Variants in OXNAD1 observed in about 807,000 individuals in gnomAD.
OXNAD1 encodes oxidoreductase NAD-binding domain-containing protein 1.
OXNAD1 carries 34 observed loss-of-function variants against 32.9 expected under a neutral mutation model. The observed-to-expected ratio is 1.03, with a 90% CI of 0.79 to 1.38. The LOEUF (loss-of-function observed/expected upper bound fraction) is 1.38. Ranked by LOEUF, OXNAD1 falls within the 40% of genes most tolerant of loss-of-function variation. The pLI is 0.00. For missense variants in OXNAD1, 407 were observed against 379.4 expected (o/e 1.07, Z -0.60); for synonymous variants, 134 against 135.2 (o/e 0.99, Z 0.06).
chr3:16,318,400 G>A (rs1207343472), intron 9 of OXNAD1, among the ~76,000 whole-genome samples: 3 of 152,166 alleles, frequency 2.0e-5, no homozygotes, highest in Non-Finnish European at 4.4e-5. Context: ...CTAGAGAGAG[G>A]AGCCCAGGAA....
chr3:16,331,800 T>C (rs890901114), intron 9 of OXNAD1, among the ~76,000 whole-genome samples: 3 of 152,234 alleles, frequency 2.0e-5, no homozygotes, highest in African/African-American at 7.2e-5. Context: ...GAGCACATCC[T>C]GTAGTGACTC....
rs2067347293 is a variant in OXNAD1, at chr3:16,303,700, A to C, written c.*138A>C. ...GGCTATAAACTTAGTGACCAGCTGG[A>C]TAATAAAAGCCAGCTGGCAGACTTA... On this transcript the variant is annotated 3_prime_UTR_variant, in exon 9 of 9. Transcript: ENST00000285083. This position sits in a 1 kb window ranked among gnomAD's most constrained non-coding sequence, Gnocchi z 4.8. 1 of 942,634 alleles carries C rather than the reference A, an allele frequency of 1.1e-6. No homozygotes were observed. Among genetic ancestry groups the C allele is most frequent in the Non-Finnish European group, 1.5e-6 (1 of 675,412 alleles). 58.4% of individuals were successfully genotyped at this position (942,634 alleles called of 1,614,324 possible).
chr3:16,313,281 G>A (rs1258885265), intron 9 of OXNAD1, among the ~76,000 whole-genome samples: 2 of 145,142 alleles, frequency 1.4e-5, no homozygotes, highest in Admixed American at 7.0e-5. Context: ...GAGCTCAAGC[G>A]ATCCTTCTGT....
intron 4 of OXNAD1, among the ~76,000 whole-genome samples, chr3:16,272,524 A>C (rs903357525): frequency 1.3e-5 from 2 of 152,158 alleles, no homozygotes; most frequent in Non-Finnish European, 2.9e-5. Flanking sequence ...AAATTTATCT[A>C]TTAATAGAAG....
intron 9 of OXNAD1, among the ~76,000 whole-genome samples, chr3:16,333,210 A>C (rs542374757): frequency 6.6e-6 from 1 of 152,366 alleles, no homozygotes; most frequent in Admixed American, 6.5e-5. Flanking sequence ...AACAAAAAGC[A>C]CAAAAATGTG....
At chr3:16,285,175 T>C (rs1349365015) in intron 4 of OXNAD1, among the ~76,000 whole-genome samples, 1 of 152,226 alleles carries the variant, frequency 6.6e-6, no homozygotes, top group African/African-American at 2.4e-5. Context: ...GAAGATACTT[T>C]GAGGTGGTGA....
chr3:16,317,138 T>C lies in OXNAD1; in HGVS notation c.*30+13546T>C, dbSNP rs1407885489. 1 of 1,613,696 alleles carries C rather than the reference T, an allele frequency of 6.2e-7. No individual in the cohort carries two copies. ...CTGGTCTTCTAAGTTCTTCTCATTTTCTTCTGCTTGTTGTTTGTCTCTGGC... is the reference window on the plus strand; with the variant it reads ...CTGGTCTTCTAAGTTCTTCTCATTTCCTTCTGCTTGTTGTTTGTCTCTGGC... On this transcript the variant is annotated intron_variant, in intron 9 of 9. Transcript: ENST00000435829. This position sits in a 1 kb window ranked among gnomAD's most constrained non-coding sequence, Gnocchi z 4.3.
At chr3:16,278,887 T>G (rs1464766843) in intron 4 of OXNAD1, among the ~76,000 whole-genome samples, 1 of 152,142 alleles carries the variant, frequency 6.6e-6, no homozygotes, top group Non-Finnish European at 1.5e-5. Flanking sequence ...TGATGAGGCT[T>G]GGGTTTGAAT....
At chr3:16,318,312 C>G (rs560099873) in intron 9 of OXNAD1, among the ~76,000 whole-genome samples, 1 of 152,184 alleles carries the variant, frequency 6.6e-6, no homozygotes, top group Admixed American at 6.5e-5. Context: ...TTGGTTTCAC[C>G]AAATACGCAC....
downstream of OXNAD1, among the ~76,000 whole-genome samples, chr3:16,340,757 C>T (rs558290555): frequency 2.0e-5 from 3 of 152,246 alleles, no homozygotes; most frequent in East Asian, 1.9e-4. Context: ...TTGTCCAAAC[C>T]GTTTCTGAAC....
At position 16,317,180 on chromosome 3, in the gene OXNAD1, G is replaced by C; in HGVS notation, c.*30+13588G>C. The C allele has an allele frequency of 1.2e-6, 2 of 1,613,414 alleles. No individual in the cohort carries two copies. The highest frequency in any genetic ancestry group is 2.7e-5 in the African/African-American group (2 of 74,872). ...GTCTCTGGCACTGAGTTTACCTTTT[G>C]ATTTCCTCATCTGCCTGTTGTGCAT... is the stretch of plus-strand genomic sequence containing the variant. On this transcript the variant is annotated intron_variant, in intron 9 of 9. Coordinates refer to the OXNAD1 transcript ENST00000435829. The surrounding 1 kb of genome is among the most constrained non-coding windows in gnomAD (Gnocchi z 4.3).
chr3:16,286,547 G>T, intron 5 of OXNAD1, 99 bp downstream of exon 5: 4 of 903,944 alleles, frequency 4.4e-6, no homozygotes, highest in Non-Finnish European at 7.0e-6. Flanking sequence ...CCATTCCCTT[G>T]AGGAAGAGGA....
rs116096844 is a variant in OXNAD1 at position 16,300,788 on chromosome 3, G to A, written c.433-838G>A. On this transcript the variant is annotated intron_variant, in intron 6 of 8. Coordinates refer to ENST00000285083, the MANE Select transcript of OXNAD1 (RefSeq NM_138381.5). ...AGATTTGACCACCAGCTTAGTAGGA[G>A]CCAGCTCTGGGAAACCACGAATTTT... 1.5e-3 allele frequency among the ~76,000 whole-genome samples: 232 copies of A among 152,300 alleles called. 2 individuals are homozygous for A. Among genetic ancestry groups the A allele is most frequent in the African/African-American group, 4.3e-3 (180 of 41,554 alleles).
downstream of OXNAD1, chr3:16,306,108 GA>G (rs2067536398): frequency 6.6e-6 from 1 of 152,112 alleles, no homozygotes; most frequent in Non-Finnish European, 1.5e-5. Context: ...CTATGAGTTT[GA>G]AAAAATGTTT....
downstream of OXNAD1, among the ~76,000 whole-genome samples, chr3:16,351,652 C>T (rs755971769): frequency 2.0e-5 from 3 of 152,150 alleles, no homozygotes; most frequent in Non-Finnish European, 4.4e-5. The surrounding 1 kb of genome is among the most constrained non-coding windows in gnomAD (Gnocchi z 5.4). Context: ...CCCTTCTGAC[C>T]TCACCAACTG....
chr3:16,324,629 G>A (rs1380545400), intron 9 of OXNAD1, among the ~76,000 whole-genome samples: 1 of 106,722 alleles, frequency 9.4e-6, no homozygotes, highest in African/African-American at 3.8e-5. Flanking sequence ...CCCCTTTTAA[G>A]GTTGCATAGT....
At chr3:16,313,322 C>T (rs1484421509) in intron 9 of OXNAD1, among the ~76,000 whole-genome samples, 1 of 151,034 alleles carries the variant, frequency 6.6e-6, no homozygotes, top group African/African-American at 2.4e-5. Flanking sequence ...GGACTATAGG[C>T]GTGAGCCACC....
At chr3:16,338,575 T>G (rs114577053), downstream of OXNAD1, among the ~76,000 whole-genome samples, 1,368 of 152,316 alleles carry the variant, frequency 9.0e-3, 26 homozygotes, top group African/African-American at 0.03. The surrounding 1 kb of genome is among the most constrained non-coding windows in gnomAD (Gnocchi z 5.3). Flanking sequence ...TTGATAACAA[T>G]TAAAAAAGAA....
rs902231667 is a variant in OXNAD1, at chr3:16,290,901, G to A, written c.291-3955G>A. ...GTATGTAGGTAAGCAACTGGGGAAG[G>A]ATGATACTTTTTGCTCTTGTGATGG... On this transcript the variant is annotated intron_variant, in intron 5 of 8. Coordinates refer to ENST00000285083, the MANE Select transcript of OXNAD1 (RefSeq NM_138381.5). This position sits in a 1 kb window ranked among gnomAD's most constrained non-coding sequence, Gnocchi z 4.2. Among the ~76,000 whole-genome samples, 4 of 152,156 alleles carry A rather than the reference G, an allele frequency of 2.6e-5. No individual in the cohort carries two copies. In the South Asian group the frequency reaches 8.3e-4, roughly 31 times the overall value.
Sources: allele counts gnomAD v4.1 joint callset (sites outside exome capture counted in the v4.1 genomes callset), GRCh38; gene constraint gnomAD v4.1.1; non-coding constraint Gnocchi (gnomAD v3.1); transcripts MANE v1.5; gene names NCBI Gene and HGNC (gene_info 2026-07-23, HGNC 2026-07-21).